Variants in CNTNAP1 observed in about 807,000 individuals in gnomAD.
CNTNAP1 encodes the protein contactin-associated protein 1.
In CNTNAP1, 80 loss-of-function variants were observed where a neutral mutation model predicts 161.5. That is an observed-to-expected ratio of 0.50 (90% CI 0.41 to 0.60). The LOEUF (loss-of-function observed/expected upper bound fraction) is 0.60. Ranked by LOEUF, CNTNAP1 falls within the 20% of genes least tolerant of loss-of-function variation. CNTNAP1 has a pLI of 0.00. For missense variants in CNTNAP1, 1,464 were observed against 1,854.8 expected (o/e 0.79, Z 3.87); for synonymous variants, 695 against 733.1 (o/e 0.95, Z 0.84).
At chr17:42,690,623 G>A (rs2053072712) in intron 12 of CNTNAP1, 116 bp from the exon 13 acceptor site, 1 of 986,846 alleles carries the variant, frequency 1.0e-6, no homozygotes, top group African/African-American at 1.6e-5. Flanking sequence ...AGGTGGAATG[G>A]AGCTGCTGGC....
Position 42,699,043 on chromosome 17 carries a change from C to A in CNTNAP1, c.*133C>A, listed in dbSNP as rs555434682. On this transcript the variant is annotated 3_prime_UTR_variant, in exon 24 of 24. Transcript: ENST00000264638. The stretch of plus-strand genomic sequence containing the variant: ...CAGAGGATATTCCCCCATCCCCCCC[C>A]CATCAAGTTTGGTGGGCAGAGCTAC... The A allele has an allele frequency of 2.3e-5, 17 of 732,836 alleles. No individual in the cohort carries two copies. In the Admixed American group the frequency reaches 3.9e-4, roughly 17 times the overall value. 45.4% of individuals were successfully genotyped at this position (732,836 alleles called of 1,614,324 possible).
Position 42,691,614 on chromosome 17 carries a change from C to T in CNTNAP1, c.2344+103C>T. On this transcript the variant is annotated intron_variant, in intron 15 of 23. Coordinates refer to ENST00000264638, the MANE Select transcript of CNTNAP1 (RefSeq NM_003632.3). The surrounding 1 kb of genome is among the most constrained non-coding windows in gnomAD (Gnocchi z 4.3). ...TGGTCTCTAGCTGGGGTGCCCGACC[C>T]CCAGCTCCTGCTGTGATGCGATCTC... 6.6e-7 allele frequency: 1 copy of T among 1,523,328 alleles called. No individual in the cohort carries two copies. Among genetic ancestry groups the T allele is most frequent in the Non-Finnish European group, 8.9e-7 (1 of 1,119,110 alleles). The allele number at this position is 1,523,328 out of a possible 1,614,324, so 94.4% of individuals were successfully genotyped here. A position where few individuals can be genotyped will look rare whatever the true frequency, so the allele number is the denominator to read the frequency against.
At chr17:42,698,027 C>T (rs1260855255) in intron 23 of CNTNAP1, 77 bp downstream of exon 23, 2 of 1,536,426 alleles carry the variant, frequency 1.3e-6, no homozygotes, top group Non-Finnish European at 1.8e-6. Context: ...GCCCCTGATC[C>T]CCAAGGCTGC....
At position 42,693,286 on chromosome 17, in the gene CNTNAP1, A is replaced by G. The variant is rs995115653; in HGVS notation, c.2753-11A>G. 2.5e-6 allele frequency: 4 copies of G among 1,612,998 alleles called. No homozygotes were observed. In the African/African-American group the frequency reaches 5.4e-5, roughly 22 times the overall value. ...GCCTCCATTTCTTGACCTGTTGCCTACCCTTCCCAGGATCTGCAGAGCTTA... is the reference window on the plus strand; with the variant it reads ...GCCTCCATTTCTTGACCTGTTGCCTGCCCTTCCCAGGATCTGCAGAGCTTA... On this transcript the variant is annotated splice_polypyrimidine_tract_variant and intron_variant, in intron 17 of 23. Transcript: ENST00000264638.
In CNTNAP1 at chr17:42,691,711, C is replaced by G. The variant is rs2053088309; in HGVS notation, c.2345-95C>G. 2.8e-6 allele frequency: 4 copies of G among 1,423,426 alleles called. No homozygotes were observed. The Admixed American group carries it at 5.2e-5, about 19-fold the overall frequency. The allele number at this position is 1,423,426 out of a possible 1,614,324, so 88.2% of individuals were successfully genotyped here. A position where few individuals can be genotyped will look rare whatever the true frequency, so the allele number is the denominator to read the frequency against. ...CCCCTCCGTCACCTCAAACCCTCCC[C>G]CTTTGCCCAACCTTCCCTGCCCCCA... On this transcript the variant is annotated intron_variant, in intron 15 of 23. Transcript: ENST00000264638. This position sits in a 1 kb window ranked among gnomAD's most constrained non-coding sequence, Gnocchi z 4.3.
Position 42,687,465 on chromosome 17 carries a change from G to A in CNTNAP1, c.1045-255G>A. 1.7e-6 allele frequency: 1 copy of A among 573,304 alleles called. No homozygotes were observed. The highest frequency in any genetic ancestry group is 2.2e-5 in the South Asian group (1 of 45,570). The allele number at this position is 573,304 out of a possible 1,614,324, so 35.5% of individuals were successfully genotyped here. A position where few individuals can be genotyped will look rare whatever the true frequency, so the allele number is the denominator to read the frequency against. Reference sequence around the variant, plus strand: ...AAATTGCCTCTCGATACTGGAAGGAGAGAAGCGGTCGAATCGCAGACGGTG... The same window carrying A: ...AAATTGCCTCTCGATACTGGAAGGAAAGAAGCGGTCGAATCGCAGACGGTG... On this transcript the variant is annotated intron_variant, in intron 7 of 23. Transcript: ENST00000264638. The surrounding 1 kb of genome is among the most constrained non-coding windows in gnomAD (Gnocchi z 4.7).
In CNTNAP1 at chr17:42,685,408, C is replaced by T; in HGVS notation, c.703C>T (p.His235Tyr). 1.2e-6 allele frequency: 2 copies of T among 1,602,846 alleles called. No homozygotes were observed. The highest frequency in any genetic ancestry group is 3.3e-5 in the Admixed American group (2 of 59,996). ...GCTGGAGGGGGCACACCTGCTGCTG[C>T]ACATGAGCCTGGGTGAGCTCGGCGA... ...LELEGAHLLL[H>Y]MSLGSSPIQP... The change falls in exon 5 of 24, where the codon CAC (histidine) becomes TAC (tyrosine). Residue 235 changes from histidine (H) to tyrosine (Y), a missense_variant. By Grantham distance (83) the His-to-Tyr change is moderately conservative. Coordinates refer to ENST00000264638, the MANE Select transcript of CNTNAP1 (RefSeq NM_003632.3). The surrounding 1 kb of genome is among the most constrained non-coding windows in gnomAD (Gnocchi z 5.0).
intron 23 of CNTNAP1, 72 bp downstream of exon 23, chr17:42,698,022 T>C (rs1567976942): frequency 1.3e-6 from 2 of 1,554,974 alleles, no homozygotes; most frequent in Admixed American, 1.7e-5. Flanking sequence ...TCCCTGCCCC[T>C]GATCCCCAAG....
At chr17:42,694,991 C>G (rs2053134791) in intron 18 of CNTNAP1, among the ~76,000 whole-genome samples, 1 of 152,130 alleles carries the variant, frequency 6.6e-6, no homozygotes, top group Admixed American at 6.5e-5. Context: ...ATCACCCAGG[C>G]TGGAGTGCAG....
chr17:42,690,237 T>G (rs2053067725), intron 12 of CNTNAP1, 30 bp downstream of exon 12: 1 of 1,610,602 alleles, frequency 6.2e-7, no homozygotes, highest in African/African-American at 1.3e-5. Flanking sequence ...GGTGAGGGGG[T>G]GAGGGGAGAA....
intron 21 of CNTNAP1, 27 bp from the exon 22 acceptor site, chr17:42,697,527 C>A: frequency 6.2e-7 from 1 of 1,613,116 alleles, no homozygotes; most frequent in Non-Finnish European, 8.5e-7. Context: ...GTCCAAGTCC[C>A]TCTTTCTGGG....
chr17:42,687,638 C>A lies in CNTNAP1; in HGVS notation c.1045-82C>A. On this transcript the variant is annotated intron_variant, in intron 7 of 23. Transcript: ENST00000264638. The surrounding 1 kb of genome is among the most constrained non-coding windows in gnomAD (Gnocchi z 4.7). ...ACCGAAGGAGGGCGGTGACCAGGGT[C>A]TTAGACCGGTGTGAAAACTGAATTC... The A allele has an allele frequency of 6.4e-7, 1 of 1,552,680 alleles. No individual in the cohort carries two copies. Among genetic ancestry groups the A allele is most frequent in the South Asian group, 1.2e-5 (1 of 81,860 alleles).
Position 42,692,646 on chromosome 17 carries a change from A to G in CNTNAP1, c.2678A>G (p.His893Arg). The change falls in exon 17 of 24, where the codon CAC (histidine) becomes CGC (arginine). Residue 893 changes from histidine to arginine, a missense_variant. Coordinates refer to ENST00000264638, the MANE Select transcript of CNTNAP1 (RefSeq NM_003632.3). ...NVKQARLRVD[H>R]RPWVLRPMPL... ...AAGCAGGCCCGGCTCCGAGTGGATC[A>G]CCGGCCCTGGGTTCTGCGGCCTATG... 2 of 1,614,176 alleles carry G rather than the reference A, an allele frequency of 1.2e-6. No individual in the cohort carries two copies. The highest frequency in any genetic ancestry group is 1.7e-6 in the Non-Finnish European group (2 of 1,180,026).
chr17:42,691,367 A>C lies in CNTNAP1; in HGVS notation c.2217-17A>C, dbSNP rs1375311946. ...GCTGAGTGGCTGGGGCTGAGCCATG[A>C]CATCCTGCCCCCACAGGAGAACTGA... On this transcript the variant is annotated splice_polypyrimidine_tract_variant and intron_variant, in intron 14 of 23. Transcript: ENST00000264638. The surrounding 1 kb of genome is among the most constrained non-coding windows in gnomAD (Gnocchi z 4.3). 6.2e-7 allele frequency: 1 copy of C among 1,614,044 alleles called. No homozygotes were observed. The highest frequency in any genetic ancestry group is 1.7e-5 in the Admixed American group (1 of 60,000).
rs907646222 is a variant in CNTNAP1 at position 42,683,837 on chromosome 17, G to C, written c.84G>C (p.Glu28Asp). The C allele has an allele frequency of 1.2e-6, 2 of 1,611,986 alleles. No homozygotes were observed. The highest frequency in any genetic ancestry group is 1.7e-6 in the Non-Finnish European group (2 of 1,179,944). The change falls in exon 2 of 24, where the codon GAG (glutamate) becomes GAC (aspartate). Residue 28 changes from glutamate to aspartate, a missense_variant. This residue lies in a region of CNTNAP1 where 77 missense variants were observed against 73.6 expected (regional missense o/e 1.05). Coordinates refer to ENST00000264638, the MANE Select transcript of CNTNAP1 (RefSeq NM_003632.3). ...EGWGYYGCDEELVGPLYARSL... is the reference protein window; with the variant it reads ...EGWGYYGCDEDLVGPLYARSL... ...CTACCCTAGACGGCTGCGACGAGGA[G>C]CTGGTGGGTCCCCTGTATGCACGCT...
rs1452165433 is a variant in CNTNAP1, at chr17:42,688,870, C to T, written c.1457-6C>T. 1 of 1,613,796 alleles carries T rather than the reference C, an allele frequency of 6.2e-7. No individual in the cohort carries two copies. Among genetic ancestry groups the T allele is most frequent in the Admixed American group, 1.7e-5 (1 of 60,004 alleles). On this transcript the variant is annotated splice_polypyrimidine_tract_variant and splice_region_variant and intron_variant, in intron 9 of 23. Coordinates refer to ENST00000264638, the MANE Select transcript of CNTNAP1 (RefSeq NM_003632.3). Reference sequence around the variant, plus strand: ...GGGGAGGATCTCACAGGGGTGGTTGCTCCAGGTTGTCCCAAGCCAGCCAGT... The same window carrying T: ...GGGGAGGATCTCACAGGGGTGGTTGTTCCAGGTTGTCCCAAGCCAGCCAGT...
In CNTNAP1 at chr17:42,687,712, G is replaced by GC; in HGVS notation, c.1045-4dup. 6.2e-7 allele frequency: 1 copy of GC among 1,613,238 alleles called. No individual in the cohort carries two copies. Among genetic ancestry groups the GC allele is most frequent in the Non-Finnish European group, 8.5e-7 (1 of 1,179,350 alleles). On this transcript the variant is annotated splice_region_variant and splice_polypyrimidine_tract_variant and intron_variant, in intron 7 of 23. Coordinates refer to ENST00000264638, the MANE Select transcript of CNTNAP1 (RefSeq NM_003632.3). This position sits in a 1 kb window ranked among gnomAD's most constrained non-coding sequence, Gnocchi z 4.7. ...CGGGTGTTGATGCGTCTTCACTTTT[G>GC]CCCCTAGGGTAAGGTGGCTTTTCGT...
At chr17:42,696,839 C>A (rs979567566) in intron 20 of CNTNAP1, among the ~76,000 whole-genome samples, 1 of 151,842 alleles carries the variant, frequency 6.6e-6, no homozygotes, top group Admixed American at 6.6e-5. Flanking sequence ...AAAGTCAAAC[C>A]GCTGGTAAGC....
In CNTNAP1 at chr17:42,698,811, T is replaced by C; in HGVS notation, c.4056T>C (p.Ala1352=). The change falls in exon 24 of 24, where the codon GCT becomes GCC. Residue 1352 remains alanine, a synonymous_variant. Coordinates refer to ENST00000264638, the MANE Select transcript of CNTNAP1 (RefSeq NM_003632.3). The part of the protein sequence containing the change: ...VPTPTAAPNQ[A]PASAPAPAPT... ...CCCCTACAGCAGCTCCCAACCAAGC[T>C]CCAGCCTCAGCCCCAGCCCCAGCCC... 1 of 1,603,734 alleles carries C rather than the reference T, an allele frequency of 6.2e-7. No homozygotes were observed. The highest frequency in any genetic ancestry group is 1.4e-5 in the African/African-American group (1 of 73,024).
Sources: allele counts gnomAD v4.1 joint callset (sites outside exome capture counted in the v4.1 genomes callset), GRCh38; gene constraint gnomAD v4.1.1; regional missense constraint gnomAD v4.1.1; non-coding constraint Gnocchi (gnomAD v3.1); transcripts MANE v1.5; gene names NCBI Gene and HGNC (gene_info 2026-07-23, HGNC 2026-07-21).